HHLA1: variants seen among roughly 807,000 people sequenced by gnomAD.
The protein encoded by HHLA1 is HERV-H LTR-associating protein 1.
Under a neutral mutation model 69.9 loss-of-function variants are expected in HHLA1, and 72 were observed. The observed-to-expected ratio is 1.03, with a 90% CI of 0.85 to 1.25. The LOEUF (loss-of-function observed/expected upper bound fraction) is 1.25, where lower values mean the gene tolerates loss of function less well. HHLA1 is among the 50% of genes most tolerant of loss of function. HHLA1 has a pLI of 0.00. For synonymous variants in HHLA1, 252 were observed against 233.2 expected, an observed-to-expected ratio of 1.08 and a Z score of -0.73; for missense variants, 685 against 642.2, an observed-to-expected ratio of 1.07 and a Z score of -0.72.
At chr8:132,084,391 G>A (rs1823823084) in intron 10 of HHLA1, among the ~76,000 whole-genome samples, 2 of 150,544 alleles carry the variant, frequency 1.3e-5, no homozygotes. Context: ...ACAGGCTGGA[G>A]GGAAAGAAGG....
In HHLA1 at chr8:132,062,980, G is replaced by C. The variant is rs1258208488; in HGVS notation, c.*1015C>G. ...TCGTGCAGTATCAGCTTGACCTCTA[G>C]AGGGACTGGAGACTGAATAACTAAG... On this transcript the variant is annotated 3_prime_UTR_variant, in exon 17 of 17. Transcript: ENST00000414222. The C allele has an allele frequency of 6.6e-6, 1 of 152,192 alleles. No individual in the cohort carries two copies. The highest frequency in any genetic ancestry group is 2.4e-5 in the African/African-American group (1 of 41,426). The allele number at this position is 152,192 out of a possible 1,614,324, so 9.4% of individuals were successfully genotyped here.
At chr8:132,073,179 A>ATGT (rs1563740936) in intron 14 of HHLA1, among the ~76,000 whole-genome samples, 1 of 152,106 alleles carries the variant, frequency 6.6e-6, no homozygotes, top group East Asian at 1.9e-4. Flanking sequence ...GGGCCTTGCT[A>ATGT]TGTTGCCCAG....
intron 7 of HHLA1, among the ~76,000 whole-genome samples, chr8:132,089,867 A>G (rs1446709226): frequency 1.3e-5 from 2 of 152,160 alleles, no homozygotes; most frequent in Non-Finnish European, 2.9e-5. Context: ...CTAACATCTA[A>G]GAGCTATGAA....
At chr8:132,081,814 TGAG>T (rs1383543769) in intron 10 of HHLA1, among the ~76,000 whole-genome samples, 1 of 152,148 alleles carries the variant, frequency 6.6e-6, no homozygotes, top group African/African-American at 2.4e-5. Flanking sequence ...GAATAATCCC[TGAG>T]GAGTAGTAGA....
intron 10 of HHLA1, among the ~76,000 whole-genome samples, chr8:132,085,149 T>G (rs1823838708): frequency 6.6e-6 from 1 of 152,142 alleles, no homozygotes; most frequent in Non-Finnish European, 1.5e-5. Flanking sequence ...CTGACACCCT[T>G]GAAACGTGAG....
intron 8 of HHLA1, among the ~76,000 whole-genome samples, chr8:132,088,744 T>C (rs1040218092): frequency 9.2e-5 from 14 of 152,356 alleles, no homozygotes; most frequent in Admixed American, 7.2e-4. Flanking sequence ...TGGTTTAGAA[T>C]TCTGCTTCTG....
At chr8:132,108,263 C>T (rs899457289) in intron 1 of HHLA1, among the ~76,000 whole-genome samples, 1 of 152,106 alleles carries the variant, frequency 6.6e-6, no homozygotes, top group African/African-American at 2.4e-5. Context: ...AAATGTATAA[C>T]AAATAAGTGA....
chr8:132,064,379 A>C (rs2130872048), intron 16 of HHLA1, among the ~76,000 whole-genome samples: 1 of 152,352 alleles, frequency 6.6e-6, no homozygotes, highest in Non-Finnish European at 1.5e-5. Flanking sequence ...AGTAAATGTA[A>C]TACGTTGTGT....
At position 132,104,433 on chromosome 8, in the gene HHLA1, A is replaced by G. The variant is rs1451101419; in HGVS notation, c.80-266T>C. On this transcript the variant is annotated intron_variant, in intron 2 of 16. Coordinates refer to ENST00000414222, the MANE Select transcript of HHLA1 (RefSeq NM_001145095.3). ...TGGAAAGGCAGACACATAGGAAAAC[A>G]ACATTGAATACCTTGAAGGGAACGG... 2.6e-5 allele frequency among the ~76,000 whole-genome samples: 4 copies of G among 152,324 alleles called. No homozygotes were observed. The East Asian group carries it at 7.7e-4, about 29-fold the overall frequency.
chr8:132,082,803 CA>C (rs539590137), intron 10 of HHLA1, among the ~76,000 whole-genome samples: 11 of 152,070 alleles, frequency 7.2e-5, no homozygotes, highest in Non-Finnish European at 1.6e-4. Context: ...GGTGGACAGG[CA>C]AAACAATTTC....
chr8:132,087,687 A>G lies in HHLA1; in HGVS notation c.642T>C (p.Asn214=). The G allele has an allele frequency of 6.4e-7, 1 of 1,551,530 alleles. No homozygotes were observed. The highest frequency in any genetic ancestry group is 8.7e-7 in the Non-Finnish European group (1 of 1,146,880). The change falls in exon 10 of 17, where the codon AAT becomes AAC. Residue 214 remains asparagine, a synonymous_variant. Transcript: ENST00000414222. ...CAGACAAGCCGCTGGTAAATGTGTAATTGATAATGGGATATTTTTCTTCTA... is the reference window on the plus strand; with the variant it reads ...CAGACAAGCCGCTGGTAAATGTGTAGTTGATAATGGGATATTTTTCTTCTA... ...WEIEEKYPII[N]YTFTSGLSGV...
rs2130891031 is a variant in HHLA1, at chr8:132,089,556, G to C, written c.492C>G (p.Ser164Arg). 9.1e-6 allele frequency: 14 copies of C among 1,533,134 alleles called. No homozygotes were observed. The highest frequency in any genetic ancestry group is 1.2e-5 in the Non-Finnish European group (13 of 1,130,048). 95.0% of individuals were successfully genotyped at this position (1,533,134 alleles called of 1,614,324 possible). ...TTGACTTAAAAATCTCTGTGAGGTA[G>C]CTGGTAGAATTGCCGATGATATCTA... is the stretch of plus-strand genomic sequence containing the variant. ...LLVDIIGNST[S>R]YLTEIFKSTS... Residue 164 changes from serine (S) to arginine (R), a missense_variant, in exon 8 of 17, where the codon AGC becomes AGG. Ser to Arg is a moderately radical substitution (Grantham distance 110). Transcript: ENST00000414222.
At chr8:132,088,611 T>C (rs1350228406) in intron 8 of HHLA1, among the ~76,000 whole-genome samples, 1 of 152,200 alleles carries the variant, frequency 6.6e-6, no homozygotes, top group Non-Finnish European at 1.5e-5. Flanking sequence ...GCACTAGGTA[T>C]GGTGCCCAGC....
At chr8:132,087,604 A>G (rs1192840447) in intron 10 of HHLA1, 49 bp downstream of exon 10, 2 of 1,229,920 alleles carry the variant, frequency 1.6e-6, no homozygotes, top group Non-Finnish European at 2.3e-6. Flanking sequence ...GCCAGGTGGG[A>G]CCCTGGTCTG....
At position 132,087,723 on chromosome 8, in the gene HHLA1, G is replaced by A; in HGVS notation, c.606C>T (p.Asp202=). The change falls in exon 10 of 17, where the codon GAC becomes GAT. Residue 202 remains aspartate, a synonymous_variant. Transcript: ENST00000414222. The stretch of plus-strand genomic sequence containing the variant: ...GATATTTTTCTTCTATCTCCCAGAA[G>A]TCAGAAAGATTCCTTCCTGCAAAAA... ...MTGKSGRNLS[D]FWEIEEKYPI... The A allele has an allele frequency of 3.2e-6, 5 of 1,551,326 alleles. No homozygotes were observed. Among genetic ancestry groups the A allele is most frequent in the Non-Finnish European group, 4.4e-6 (5 of 1,146,688 alleles).
chr8:132,099,653 A>G (rs1018892219), intron 4 of HHLA1, among the ~76,000 whole-genome samples: 2 of 152,196 alleles, frequency 1.3e-5, no homozygotes, highest in Non-Finnish European at 2.9e-5. Context: ...CAGGAGTTTG[A>G]GACCAGCCTG....
chr8:132,109,337 G>A (rs979144370), intron 1 of HHLA1, among the ~76,000 whole-genome samples: 2 of 152,136 alleles, frequency 1.3e-5, no homozygotes, highest in Non-Finnish European at 2.9e-5. Flanking sequence ...TACCGGCCTC[G>A]GTCTCCCAAA....
intron 10 of HHLA1, among the ~76,000 whole-genome samples, chr8:132,085,218 A>G (rs890578783): frequency 2.0e-4 from 31 of 152,326 alleles, no homozygotes; most frequent in African/African-American, 7.0e-4. Context: ...CTGCCTTCCC[A>G]GTCCGTGACC....
At chr8:132,106,392 T>C (rs756565254) in intron 1 of HHLA1, among the ~76,000 whole-genome samples, 10 of 152,218 alleles carry the variant, frequency 6.6e-5, no homozygotes, top group African/African-American at 1.4e-4. Flanking sequence ...GATAGCTATG[T>C]GACTGGCATT....
Sources: gnomAD v4.1 joint callset for allele counts (sites outside exome capture counted in the v4.1 genomes callset) on GRCh38, gnomAD v4.1.1 for gene constraint, MANE v1.5 for transcripts, NCBI Gene and HGNC (gene_info 2026-07-23, HGNC 2026-07-21) for gene names.